The following ADAMTS3 variants were observed in gnomAD, a reference collection of about 807,000 sequenced individuals.
The protein encoded by ADAMTS3 is ADAM metallopeptidase with thrombospondin type 1 motif 3, also known as A disintegrin and metalloproteinase with thrombospondin motifs 3.
A neutral mutation model predicts 129.0 loss-of-function variants in ADAMTS3; 73 were observed. The ratio of observed to expected loss-of-function variants is 0.57; its 90% CI spans 0.47 to 0.69. ADAMTS3 has a LOEUF of 0.69. Ranked by LOEUF, ADAMTS3 falls within the 30% of genes least tolerant of loss-of-function variation. The pLI, the probability that ADAMTS3 is intolerant of heterozygous loss-of-function variation, is 0.00. For synonymous variants in ADAMTS3, 477 were observed against 510.8 expected, an observed-to-expected ratio of 0.93 and a Z score of 0.89; for missense variants, 1,457 against 1,514.5, an observed-to-expected ratio of 0.96 and a Z score of 0.63.
rs758909749 is a variant in ADAMTS3, at chr4:72,568,672, ATTG to A, written c.69+19_69+21del. On this transcript the variant is annotated intron_variant, in intron 1 of 21. Transcript: ENST00000286657. ...AAAGGTTGGGTTTGAGTTTTTTTTT[ATTG>A]TTATTATTTTCCACTTACTTGTCCA... 4.3e-5 allele frequency: 68 copies of A among 1,587,440 alleles called. No homozygotes were observed. Among genetic ancestry groups the A allele is most frequent in the Non-Finnish European group, 5.4e-5 (63 of 1,161,738 alleles).
At chr4:72,512,936 T>C (rs1437999035) in intron 3 of ADAMTS3, among the ~76,000 whole-genome samples, 1 of 152,142 alleles carries the variant, frequency 6.6e-6, no homozygotes, top group Non-Finnish European at 1.5e-5. Context: ...CATAGGAAAT[T>C]TCTGCATCCC....
Position 72,492,317 on chromosome 4 carries a change from T to G in ADAMTS3, c.504+56161A>C, listed in dbSNP as rs965056577. ...TGCTAACACTAGGCTTAGCTTATTC[T>G]TGTTTTTCTAGTTCTTTGAGGTGCA... On this transcript the variant is annotated intron_variant, in intron 3 of 21. Coordinates refer to ENST00000286657, the MANE Select transcript of ADAMTS3 (RefSeq NM_014243.3). Among the ~76,000 whole-genome samples the G allele has an allele frequency of 6.6e-5, 10 of 151,804 alleles. No individual in the cohort carries two copies. The East Asian group carries it at 1.4e-3, about 21-fold the overall frequency.
intron 3 of ADAMTS3, among the ~76,000 whole-genome samples, chr4:72,502,199 T>A (rs986928008): frequency 2.6e-5 from 4 of 152,154 alleles, no homozygotes; most frequent in Non-Finnish European, 5.9e-5. Context: ...GTGCCAGGTC[T>A]TTTTTGTACA....
intron 3 of ADAMTS3, among the ~76,000 whole-genome samples, chr4:72,429,282 C>A (rs1722640872): frequency 6.6e-6 from 1 of 152,014 alleles, no homozygotes; most frequent in Admixed American, 6.6e-5. Flanking sequence ...ACATAATAGT[C>A]ATCTGCTAAA....
At position 72,469,895 on chromosome 4, in the gene ADAMTS3, C is replaced by T. The variant is rs142460920; in HGVS notation, c.505-54924G>A. Reference sequence around the variant, plus strand: ...TACAGTATATAATATATACAACATACGAAATAAGTGTTAATTGACTGTTTA... The same window carrying T: ...TACAGTATATAATATATACAACATATGAAATAAGTGTTAATTGACTGTTTA... On this transcript the variant is annotated intron_variant, in intron 3 of 21. Coordinates refer to ENST00000286657, the MANE Select transcript of ADAMTS3 (RefSeq NM_014243.3). Among the ~76,000 whole-genome samples, 249 of 152,142 alleles carry T rather than the reference C, an allele frequency of 1.6e-3. 2 individuals are homozygous for T. Among genetic ancestry groups the T allele is most frequent in the African/African-American group, 5.6e-3 (234 of 41,514 alleles).
intron 19 of ADAMTS3, 52 bp from the exon 20 acceptor site, chr4:72,291,114 C>T (rs1364208062): frequency 8.9e-6 from 14 of 1,580,730 alleles, no homozygotes; most frequent in African/African-American, 4.0e-5. Context: ...GTATAGTGTA[C>T]ACATTTCTAC....
intron 4 of ADAMTS3, among the ~76,000 whole-genome samples, chr4:72,397,143 A>G (rs1455925629): frequency 1.3e-5 from 2 of 152,142 alleles, no homozygotes; most frequent in Admixed American, 6.5e-5. Context: ...TGCATTCCAC[A>G]TGAATGGAAG....
chr4:72,322,188 A>G (rs1405443178), intron 6 of ADAMTS3, among the ~76,000 whole-genome samples: 2 of 152,196 alleles, frequency 1.3e-5, no homozygotes, highest in Admixed American at 6.5e-5. Flanking sequence ...TGTTGGCAAT[A>G]TAAAATAGAT....
intron 3 of ADAMTS3, among the ~76,000 whole-genome samples, chr4:72,513,833 C>G (rs1422928455): frequency 6.6e-6 from 1 of 152,128 alleles, no homozygotes; most frequent in Non-Finnish European, 1.5e-5. Context: ...AACCCTCACT[C>G]CTCTCCCATC....
chr4:72,346,643 A>C (rs9997853), intron 4 of ADAMTS3, among the ~76,000 whole-genome samples: 150,178 of 152,186 alleles, frequency 0.99, 74,123 homozygotes, highest in Non-Finnish European at 1. Flanking sequence ...AAATTAAAAT[A>C]TAAGATAAAC....
intron 4 of ADAMTS3, among the ~76,000 whole-genome samples, chr4:72,371,910 A>C (rs1209146787): frequency 2.0e-5 from 3 of 152,118 alleles, no homozygotes; most frequent in African/African-American, 7.2e-5. Context: ...TTTCAAAAAA[A>C]AAAAAATGAA....
At chr4:72,455,997 T>TGTATTTTATATAGTACATATACTATA (rs1560522289) in intron 3 of ADAMTS3, among the ~76,000 whole-genome samples, 1 of 47,490 alleles carries the variant, frequency 2.1e-5, no homozygotes, top group African/African-American at 7.5e-5. Flanking sequence ...ACTATATATA[T>TGTATTTTATATAGTACATATACTATA]TTTACATATA....
chr4:72,568,888 A>G lies in ADAMTS3; in HGVS notation c.-126T>C, dbSNP rs192015492. 136 of 717,578 alleles carry G rather than the reference A, an allele frequency of 1.9e-4. No homozygotes were observed. The East Asian group carries it at 3.6e-3, about 19-fold the overall frequency. The allele number at this position is 717,578 out of a possible 1,614,324, so 44.5% of individuals were successfully genotyped here. ...GGGAAAAAATGCGAAATAGAAAAAA[A>G]TGATCTTCTGTGCTTTGCTTCAATG... On this transcript the variant is annotated 5_prime_UTR_variant, in exon 1 of 22. Coordinates refer to ENST00000286657, the MANE Select transcript of ADAMTS3 (RefSeq NM_014243.3).
intron 3 of ADAMTS3, among the ~76,000 whole-genome samples, chr4:72,470,758 C>A (rs1719050825): frequency 6.6e-6 from 1 of 152,040 alleles, no homozygotes; most frequent in Non-Finnish European, 1.5e-5. Context: ...TGGCACTCAA[C>A]TGTACTAGGA....
intron 3 of ADAMTS3, among the ~76,000 whole-genome samples, chr4:72,465,425 G>A (rs1207665419): frequency 6.6e-6 from 1 of 152,002 alleles, no homozygotes; most frequent in African/African-American, 2.4e-5. Flanking sequence ...TGCAGATGAT[G>A]GTACAAAGTT....
intron 4 of ADAMTS3, among the ~76,000 whole-genome samples, chr4:72,364,352 C>T (rs1483725110): frequency 2.0e-5 from 3 of 152,132 alleles, no homozygotes; most frequent in African/African-American, 4.8e-5. Flanking sequence ...CAGTGGCTCA[C>T]GCCTGTAATT....
intron 3 of ADAMTS3, among the ~76,000 whole-genome samples, chr4:72,422,014 A>T (rs1197046936): frequency 6.6e-6 from 1 of 152,182 alleles, no homozygotes; most frequent in Non-Finnish European, 1.5e-5. Flanking sequence ...TGTCATACAT[A>T]ACCTCAATAA....
chr4:72,324,699 GCAGATAGCTCATGCACAAGTTGTCCCAC>G (rs1220349985), intron 5 of ADAMTS3, among the ~76,000 whole-genome samples: 2 of 152,098 alleles, frequency 1.3e-5, no homozygotes, highest in African/African-American at 4.8e-5. Flanking sequence ...AAGTGTGCAG[GCAGATAGCTCATGCACAAGTTGTCCCAC>G]TCTAGGCTAC....
intron 3 of ADAMTS3, among the ~76,000 whole-genome samples, chr4:72,475,825 C>T (rs35726838): frequency 0.25 from 37,969 of 151,622 alleles, 5,119 homozygotes; most frequent in East Asian, 0.45. Context: ...CAGAATCAAT[C>T]TAAAAATAAC....
Sources: allele counts gnomAD v4.1 joint callset (sites outside exome capture counted in the v4.1 genomes callset), GRCh38; gene constraint gnomAD v4.1.1; transcripts MANE v1.5; gene names NCBI Gene and HGNC (gene_info 2026-07-23, HGNC 2026-07-21).